Variants in KIF20B observed in about 807,000 individuals in gnomAD.
KIF20B encodes kinesin-like protein KIF20B.
A neutral mutation model predicts 232.5 loss-of-function variants in KIF20B; 188 were observed. The ratio of observed to expected loss-of-function variants is 0.81; its 90% CI spans 0.72 to 0.91. The LOEUF (loss-of-function observed/expected upper bound fraction) is 0.91, where lower values mean the gene tolerates loss of function less well. Among genes scored for constraint, KIF20B ranks in the 40% least tolerant of loss-of-function variants. The pLI, the probability that KIF20B is intolerant of heterozygous loss-of-function variation, is 0.00. For synonymous variants in KIF20B, 712 were observed against 683.0 expected, an observed-to-expected ratio of 1.04 and a Z score of -0.66; for missense variants, 2,154 against 2,055.9, an observed-to-expected ratio of 1.05 and a Z score of -0.92.
intron 13 of KIF20B, among the ~76,000 whole-genome samples, chr10:89,722,248 A>G (rs1177300942): frequency 6.6e-6 from 1 of 152,134 alleles, no homozygotes; most frequent in African/African-American, 2.4e-5. Context: ...ACTTTTAAAA[A>G]CCATTATAAA....
At chr10:89,704,843 C>T (rs977757684) in intron 1 of KIF20B, among the ~76,000 whole-genome samples, 11 of 152,236 alleles carry the variant, frequency 7.2e-5, no homozygotes, top group Non-Finnish European at 1.3e-4. Flanking sequence ...AGGCGTGAGC[C>T]ACCGCACCAG....
intron 29 of KIF20B, among the ~76,000 whole-genome samples, chr10:89,764,015 T>A (rs1486522302): frequency 6.6e-6 from 1 of 151,184 alleles, no homozygotes; most frequent in Non-Finnish European, 1.5e-5. Flanking sequence ...CATTTAGCAT[T>A]AGGTATATCT....
intron 18 of KIF20B, among the ~76,000 whole-genome samples, chr10:89,731,692 T>C (rs1843323193): frequency 6.6e-6 from 1 of 152,166 alleles, no homozygotes; most frequent in Non-Finnish European, 1.5e-5. Flanking sequence ...ATCATTCTGA[T>C]AGGTACCAAG....
At chr10:89,729,046 A>T (rs984030733) in intron 17 of KIF20B, 82 bp from the exon 18 acceptor site, 3 of 1,164,782 alleles carry the variant, frequency 2.6e-6, no homozygotes, top group Non-Finnish European at 3.4e-6. Flanking sequence ...GAATTATAAA[A>T]CTGTTTGCAT....
intron 8 of KIF20B, among the ~76,000 whole-genome samples, chr10:89,715,468 A>G (rs1027741127): frequency 6.6e-6 from 1 of 152,108 alleles, no homozygotes; most frequent in African/African-American, 2.4e-5. Context: ...CTGCTTTGTA[A>G]CAGTGTCCAA....
chr10:89,755,348 A>G (rs1161545271), intron 26 of KIF20B, among the ~76,000 whole-genome samples: 3 of 151,842 alleles, frequency 2.0e-5, no homozygotes, highest in Admixed American at 6.6e-5. Context: ...AAACTTTCCT[A>G]TAAAAACTGA....
At chr10:89,724,146 A>G in intron 14 of KIF20B, 43 bp downstream of exon 14, 1 of 1,405,192 alleles carries the variant, frequency 7.1e-7, no homozygotes, top group South Asian at 1.9e-5. Flanking sequence ...TGAGAATTTT[A>G]TTTAGTTTTT....
intron 2 of KIF20B, among the ~76,000 whole-genome samples, chr10:89,707,638 TC>T (rs758212448): frequency 6.6e-6 from 1 of 151,602 alleles, no homozygotes; most frequent in Non-Finnish European, 1.5e-5. Context: ...CCTTTTTTCT[TC>T]CCCCATCCCC....
chr10:89,712,041 T>C (rs1357711368), intron 6 of KIF20B, among the ~76,000 whole-genome samples: 1 of 152,138 alleles, frequency 6.6e-6, no homozygotes, highest in Admixed American at 6.6e-5. Flanking sequence ...AATTGTAAAT[T>C]AGTTGATTAG....
chr10:89,749,603 C>G (rs1841985292), intron 23 of KIF20B, among the ~76,000 whole-genome samples: 1 of 152,182 alleles, frequency 6.6e-6, no homozygotes, highest in Non-Finnish European at 1.5e-5. Flanking sequence ...AGCCACTAAT[C>G]TACTTTCTGT....
chr10:89,740,867 C>T (rs1470030080), intron 21 of KIF20B, among the ~76,000 whole-genome samples: 3 of 152,078 alleles, frequency 2.0e-5, no homozygotes, highest in African/African-American at 7.2e-5. Flanking sequence ...TTTATTGCTA[C>T]TTATAGAGGT....
chr10:89,747,315 G>C (rs897150529), intron 23 of KIF20B, among the ~76,000 whole-genome samples: 7 of 152,076 alleles, frequency 4.6e-5, no homozygotes, highest in Admixed American at 3.3e-4. Context: ...AACCATTGTG[G>C]AAGTCAGTGT....
At position 89,717,437 on chromosome 10, in the gene KIF20B, A is replaced by G. The variant is rs776271223; in HGVS notation, c.1066A>G (p.Thr356Ala). Reference protein sequence around the residue: ...NASSRSHSIFTVKILQIEDSE... With the variant: ...NASSRSHSIFAVKILQIEDSE... The stretch of plus-strand genomic sequence containing the variant: ...TTTGTATTTCAGTCACAGCATATTC[A>G]CTGTTAAAATATTACAGATTGAAGA... The change falls in exon 10 of 33, where the codon ACT becomes GCT. Residue 356 changes from threonine to alanine, a missense_variant. By Grantham distance (58) the Thr-to-Ala change is moderately conservative. Coordinates refer to ENST00000371728, the MANE Select transcript of KIF20B (RefSeq NM_001284259.2). The G allele has an allele frequency of 1.9e-6, 3 of 1,582,818 alleles. No homozygotes were observed. In the East Asian group the frequency reaches 6.8e-5, roughly 36 times the overall value.
chr10:89,759,842 G>GGT (rs1326092358), intron 27 of KIF20B, among the ~76,000 whole-genome samples: 1 of 152,112 alleles, frequency 6.6e-6, no homozygotes. Flanking sequence ...GTAATGGGGA[G>GGT]GTGACATAAG....
At position 89,747,429 on chromosome 10, in the gene KIF20B, A is replaced by G. The variant is rs557681424; in HGVS notation, c.4096+1470A>G. Among the ~76,000 whole-genome samples, 19 of 152,172 alleles carry G rather than the reference A, an allele frequency of 1.2e-4. No homozygotes were observed. In the East Asian group the frequency reaches 3.7e-3, roughly 29 times the overall value. On this transcript the variant is annotated intron_variant, in intron 23 of 32. Coordinates refer to ENST00000371728, the MANE Select transcript of KIF20B (RefSeq NM_001284259.2). ...ATAAATCATGCTGCTATAAAGACAC[A>G]TGCACATGTATGTTTATAGCAGCAC...
chr10:89,754,709 ACTTTC>A (rs1842086368), intron 26 of KIF20B, 36 bp downstream of exon 26: 1 of 1,436,194 alleles, frequency 7.0e-7, no homozygotes, highest in South Asian at 1.7e-5. Flanking sequence ...TATTTCACCT[ACTTTC>A]CTTGGTGTGT....
At chr10:89,768,639 T>C (rs535535553) in intron 30 of KIF20B, 99 bp from the exon 31 acceptor site, 4 of 1,175,654 alleles carry the variant, frequency 3.4e-6, no homozygotes, top group Non-Finnish European at 4.7e-6. Context: ...TACCTGAGAA[T>C]TCATAACCTG....
intron 29 of KIF20B, among the ~76,000 whole-genome samples, chr10:89,767,809 T>C (rs1433938955): frequency 3.3e-5 from 5 of 151,684 alleles, no homozygotes; most frequent in African/African-American, 1.2e-4. Flanking sequence ...AACTTAGACA[T>C]AGATGCTTGT....
In KIF20B at chr10:89,758,861, C is replaced by A. The variant is rs765415974; in HGVS notation, c.4659C>A (p.Ile1553=). ...ATGAAATTGAACAACTAAAAAGGATCATATCAGAGACTTCTAAAATAGTCA... is the reference window on the plus strand; with the variant it reads ...ATGAAATTGAACAACTAAAAAGGATAATATCAGAGACTTCTAAAATAGTCA... ...KDNEIEQLKR[I]ISETSKIETQ... The change falls in exon 27 of 33, where the codon ATC becomes ATA. Residue 1553 remains isoleucine, a synonymous_variant. Transcript: ENST00000371728. 1 of 1,579,752 alleles carries A rather than the reference C, an allele frequency of 6.3e-7. No homozygotes were observed. The highest frequency in any genetic ancestry group is 2.3e-5 in the East Asian group (1 of 43,468).
Sources: gnomAD v4.1 joint callset for allele counts (sites outside exome capture counted in the v4.1 genomes callset) on GRCh38, gnomAD v4.1.1 for gene constraint, MANE v1.5 for transcripts, NCBI Gene and HGNC (gene_info 2026-07-23, HGNC 2026-07-21) for gene names.